HOXB9: variants seen among roughly 807,000 people sequenced by gnomAD.
HOXB9 encodes the protein homeobox B9, also known as homeobox protein Hox-B9.
Under a neutral mutation model 21.5 loss-of-function variants are expected in HOXB9, and 10 were observed. The observed-to-expected ratio is 0.47, with a 90% CI of 0.29 to 0.79. The LOEUF (loss-of-function observed/expected upper bound fraction) is 0.79. HOXB9 is among the 30% of genes least tolerant of loss of function. The pLI is 0.10. For synonymous variants in HOXB9, 156 were observed against 151.2 expected (o/e 1.03, Z -0.23); for missense variants, 375 against 338.7 (o/e 1.11, Z -0.84).
intron 1 of HOXB9, among the ~76,000 whole-genome samples, chr17:48,625,438 C>T (rs2070804316): frequency 6.6e-6 from 1 of 152,184 alleles, no homozygotes; most frequent in Non-Finnish European, 1.5e-5. Flanking sequence ...GGTCTCTGGC[C>T]GGGCTTTCAG....
chr17:48,626,122 A>T lies in HOXB9; in HGVS notation c.148T>A (p.Cys50Ser), dbSNP rs1250451639. The change falls in exon 1 of 2, where the codon TGC becomes AGC. Residue 50 changes from cysteine (C) to serine (S), a missense_variant. Physicochemically the swap from Cys to Ser is moderately radical, Grantham distance 112. Coordinates refer to ENST00000311177, the MANE Select transcript of HOXB9 (RefSeq NM_024017.5). ...GHAEHLEFPS[C>S]SFQPKAPVFG... is the part of the protein sequence containing the mutation. ...ACCGGCGCTTTGGGCTGGAAGCTGC[A>T]CGAGGGGAACTCCAGGTGCTCCGCG... The T allele has an allele frequency of 3.2e-6, 5 of 1,586,968 alleles. No individual in the cohort carries two copies. The highest frequency in any genetic ancestry group is 4.5e-5 in the East Asian group (2 of 44,416).
At position 48,625,957 on chromosome 17, in the gene HOXB9, C is replaced by G; in HGVS notation, c.313G>C (p.Gly105Arg). 1 of 1,486,816 alleles carries G rather than the reference C, an allele frequency of 6.7e-7. No homozygotes were observed. Among genetic ancestry groups the G allele is most frequent in the East Asian group, 2.5e-5 (1 of 39,316 alleles). The allele number at this position is 1,486,816 out of a possible 1,614,324, so 92.1% of individuals were successfully genotyped here. A position where few individuals can be genotyped will look rare whatever the true frequency, so the allele number is the denominator to read the frequency against. ...LRTWLEPAPR[G>R]EAAPGQGQAA... ...TGGCCCTGCCCCGGGGCCGCTTCGC[C>G]GCGCGGCGCCGGCTCCAGCCAGGTG... Residue 105 changes from glycine (G) to arginine (R), a missense_variant, in exon 1 of 2, where the codon GGC becomes CGC. Transcript: ENST00000311177.
At chr17:48,623,247 C>A in intron 1 of HOXB9, 112 bp from the exon 2 acceptor site, 2 of 792,988 alleles carry the variant, frequency 2.5e-6, no homozygotes, top group South Asian at 3.4e-5. Context: ...AAGAGGCCAC[C>A]TGGGTCTTCA....
chr17:48,625,612 T>C, intron 1 of HOXB9, 141 bp downstream of exon 1: 1 of 1,041,064 alleles, frequency 9.6e-7, no homozygotes, highest in Non-Finnish European at 1.3e-6. Context: ...CCGTCTTTCC[T>C]TCCTCTCCCC....
rs754379249 is a variant in HOXB9, at chr17:48,623,102, G to A, written c.551C>T (p.Ser184Phe). ...GTAGGGACAGCGCTTTTTCCGGGAA[G>A]AGCGAGCGTGCAGCCAGTTGGCGGA... Reference protein sequence around the residue: ...NPSANWLHARSSRKKRCPYTK... With the variant: ...NPSANWLHARFSRKKRCPYTK... The change falls in exon 2 of 2, where the codon TCT (serine) becomes TTT (phenylalanine). Residue 184 changes from serine (S) to phenylalanine (F), a missense_variant. Transcript: ENST00000311177. 1.2e-6 allele frequency: 2 copies of A among 1,613,816 alleles called. No homozygotes were observed. Among genetic ancestry groups the A allele is most frequent in the Non-Finnish European group, 1.7e-6 (2 of 1,179,962 alleles).
Position 48,626,098 on chromosome 17 carries a change from C to G in HOXB9, c.172G>C (p.Val58Leu). Reference protein sequence around the residue: ...PSCSFQPKAPVFGASWAPLSP... With the variant: ...PSCSFQPKAPLFGASWAPLSP... ...AGCGGCGCCCAGGAGGCGCCGAACACCGGCGCTTTGGGCTGGAAGCTGCAC... is the reference window on the plus strand; with the variant it reads ...AGCGGCGCCCAGGAGGCGCCGAACAGCGGCGCTTTGGGCTGGAAGCTGCAC... The change falls in exon 1 of 2, where the codon GTG (valine) becomes CTG (leucine). Residue 58 changes from valine (V) to leucine (L), a missense_variant. Coordinates refer to ENST00000311177, the MANE Select transcript of HOXB9 (RefSeq NM_024017.5). The G allele has an allele frequency of 1.3e-6, 2 of 1,578,798 alleles. No individual in the cohort carries two copies. Among genetic ancestry groups the G allele is most frequent in the Non-Finnish European group, 1.7e-6 (2 of 1,169,038 alleles).
Position 48,625,651 on chromosome 17 carries a change from C to A in HOXB9, c.517+102G>T, listed in dbSNP as rs143822435. 67 of 1,359,034 alleles carry A rather than the reference C, an allele frequency of 4.9e-5. No individual in the cohort carries two copies. The African/African-American group carries it at 9.4e-4, about 19-fold the overall frequency. 84.2% of individuals were successfully genotyped at this position (1,359,034 alleles called of 1,614,324 possible). A position where few individuals can be genotyped will look rare whatever the true frequency, so the allele number is the denominator to read the frequency against. On this transcript the variant is annotated intron_variant, in intron 1 of 1. Transcript: ENST00000311177. ...TCCTCCCGGCCCGCTCTCCGGCCACCGCCGCAGTTTCCCTTCACATTGTCC... is the reference window on the plus strand; with the variant it reads ...TCCTCCCGGCCCGCTCTCCGGCCACAGCCGCAGTTTCCCTTCACATTGTCC...
At position 48,623,178 on chromosome 17, in the gene HOXB9, G is replaced by A. The variant is rs750809331; in HGVS notation, c.518-43C>T. ...ATAGAATCAAAGAAAGGAAGGGGGT[G>A]AAGGGCCCCAGATCAAGAGGGCACT... is the stretch of plus-strand genomic sequence containing the variant. On this transcript the variant is annotated intron_variant, in intron 1 of 1. Transcript: ENST00000311177. 1.9e-5 allele frequency: 29 copies of A among 1,516,548 alleles called. No individual in the cohort carries two copies. The Admixed American group carries it at 5.1e-4, about 26-fold the overall frequency. 93.9% of individuals were successfully genotyped at this position (1,516,548 alleles called of 1,614,324 possible).
Position 48,622,976 on chromosome 17 carries a change from T to G in HOXB9, c.677A>C (p.Glu226Ala), listed in dbSNP as rs776928053. 1.5e-5 allele frequency: 24 copies of G among 1,614,254 alleles called. No individual in the cohort carries two copies. Among genetic ancestry groups the G allele is most frequent in the Non-Finnish European group, 1.9e-5 (22 of 1,180,044 alleles). ...CTGAAACCAGATTTTGACTTGTCTC[T>G]CACTCAGATTGAGGAGTCTGGCCAC... Reference protein sequence around the residue: ...HEVARLLNLSERQVKIWFQNR... With the variant: ...HEVARLLNLSARQVKIWFQNR... The change falls in exon 2 of 2, where the codon GAG becomes GCG. Residue 226 changes from glutamate (E) to alanine (A), a missense_variant. Transcript: ENST00000311177.
At position 48,622,718 on chromosome 17, in the gene HOXB9, G is replaced by A. The variant is rs2070780542; in HGVS notation, c.*182C>T. On this transcript the variant is annotated 3_prime_UTR_variant, in exon 2 of 2. Coordinates refer to ENST00000311177, the MANE Select transcript of HOXB9 (RefSeq NM_024017.5). ...ACTTTCTCCTGACACCTAGAGAGAA[G>A]AGAGAGACAGGTAAGGGCAAAGGAA... 1 of 569,408 alleles carries A rather than the reference G, an allele frequency of 1.8e-6. No individual in the cohort carries two copies. Among genetic ancestry groups the A allele is most frequent in the Non-Finnish European group, 3.1e-6 (1 of 320,276 alleles). 35.3% of individuals were successfully genotyped at this position (569,408 alleles called of 1,614,324 possible).
chr17:48,622,752 G>A lies in HOXB9; in HGVS notation c.*148C>T, dbSNP rs73341457. 1,325 of 614,550 alleles carry A rather than the reference G, an allele frequency of 2.2e-3. 14 individuals are homozygous for A. The African/African-American group carries it at 0.022, about 10-fold the overall frequency. The allele number at this position is 614,550 out of a possible 1,614,324, so 38.1% of individuals were successfully genotyped here. Reference sequence around the variant, plus strand: ...AGGTAAGGGCAAAGGAAAGGAGGGAGGTTCTAGGTGCAGATAAAGGACTTG... The same window carrying A: ...AGGTAAGGGCAAAGGAAAGGAGGGAAGTTCTAGGTGCAGATAAAGGACTTG... On this transcript the variant is annotated 3_prime_UTR_variant, in exon 2 of 2. Coordinates refer to ENST00000311177, the MANE Select transcript of HOXB9 (RefSeq NM_024017.5).
chr17:48,624,457 G>A (rs1388604526), intron 1 of HOXB9, among the ~76,000 whole-genome samples: 2 of 152,136 alleles, frequency 1.3e-5, no homozygotes, highest in South Asian at 4.2e-4. Flanking sequence ...GTGCGGGGAG[G>A]GTTGGGGAAG....
rs1359927114 is a variant in HOXB9, at chr17:48,621,827, G to A, written c.*1073C>T. 1 of 152,348 alleles carries A rather than the reference G, an allele frequency of 6.6e-6. No individual in the cohort carries two copies. Among genetic ancestry groups the A allele is most frequent in the Non-Finnish European group, 1.5e-5 (1 of 68,094 alleles). The allele number at this position is 152,348 out of a possible 1,614,324, so 9.4% of individuals were successfully genotyped here. On this transcript the variant is annotated 3_prime_UTR_variant, in exon 2 of 2. Transcript: ENST00000311177. ...CTGGCCTGGCTTTCCTGTCTACAGT[G>A]GGGTTGACCTAGCGGGGAACGGAAG...
Position 48,623,033 on chromosome 17 carries a change from T to C in HOXB9, c.620A>G (p.Asn207Ser), listed in dbSNP as rs2070783446. 3 of 1,614,088 alleles carry C rather than the reference T, an allele frequency of 1.9e-6. No homozygotes were observed. The highest frequency in any genetic ancestry group is 2.2e-5 in the East Asian group (1 of 44,904). Residue 207 changes from asparagine to serine, a missense_variant, in exon 2 of 2, where the codon AAT (asparagine) becomes AGT (serine). Asn to Ser is a conservative substitution (Grantham distance 46). Coordinates refer to ENST00000311177, the MANE Select transcript of HOXB9 (RefSeq NM_024017.5). Reference protein sequence around the residue: ...TLELEKEFLFNMYLTRDRRHE... With the variant: ...TLELEKEFLFSMYLTRDRRHE... ...CCTACGGTCCCTGGTGAGGTACATA[T>C]TGAACAGAAACTCCTTCTCTAGCTC... is the stretch of plus-strand genomic sequence containing the variant.
intron 1 of HOXB9, 104 bp from the exon 2 acceptor site, chr17:48,623,239 G>A: frequency 2.3e-6 from 2 of 861,048 alleles, no homozygotes; most frequent in Non-Finnish European, 3.6e-6. Context: ...CACTGGAGAA[G>A]AGGCCACCTG....
intron 1 of HOXB9, among the ~76,000 whole-genome samples, chr17:48,625,505 C>A (rs952424504): frequency 1.3e-5 from 2 of 152,230 alleles, no homozygotes; most frequent in Admixed American, 6.5e-5. Context: ...AGTCGATCCC[C>A]GAGCCCCTGT....
intron 1 of HOXB9, among the ~76,000 whole-genome samples, chr17:48,623,703 G>A (rs983340255): frequency 3.3e-5 from 5 of 152,120 alleles, no homozygotes; most frequent in Admixed American, 6.5e-5. Flanking sequence ...GTGTGTCTGC[G>A]TAGAAATCTC....
In HOXB9 at chr17:48,622,628, C is replaced by A; in HGVS notation, c.*272G>T. 5.5e-6 allele frequency: 2 copies of A among 364,654 alleles called. No individual in the cohort carries two copies. Among genetic ancestry groups the A allele is most frequent in the Non-Finnish European group, 1.0e-5 (2 of 199,288 alleles). The allele number at this position is 364,654 out of a possible 1,614,324, so 22.6% of individuals were successfully genotyped here. ...GGCATACTAGGAGCTTGACTGGGGT[C>A]TCTCTTTCCTTGTGGCCCATCACAT... On this transcript the variant is annotated 3_prime_UTR_variant, in exon 2 of 2. Coordinates refer to ENST00000311177, the MANE Select transcript of HOXB9 (RefSeq NM_024017.5).
intron 1 of HOXB9, among the ~76,000 whole-genome samples, chr17:48,624,075 G>A (rs1421948541): frequency 6.6e-6 from 1 of 152,140 alleles, no homozygotes; most frequent in Non-Finnish European, 1.5e-5. Context: ...GAGTGGAAGA[G>A]AGGAAACAAA....
Sources: allele counts gnomAD v4.1 joint callset (sites outside exome capture counted in the v4.1 genomes callset), GRCh38; gene constraint gnomAD v4.1.1; transcripts MANE v1.5; gene names NCBI Gene and HGNC (gene_info 2026-07-23, HGNC 2026-07-21).